The following CC2D2A variants were observed in gnomAD, a reference collection of about 807,000 sequenced individuals.
The protein encoded by CC2D2A is coiled-coil and C2 domain-containing protein 2A.
A neutral mutation model predicts 212.9 loss-of-function variants in CC2D2A; 155 were observed. The observed-to-expected ratio is 0.73, with a 90% CI of 0.64 to 0.83. CC2D2A has a LOEUF of 0.83. Among genes scored for constraint, CC2D2A ranks in the 40% least tolerant of loss-of-function variants. The pLI is 0.00. For synonymous variants in CC2D2A, 667 were observed against 686.5 expected, an observed-to-expected ratio of 0.97 and a Z score of 0.44; for missense variants, 1,856 against 1,956.2, an observed-to-expected ratio of 0.95 and a Z score of 0.97.
rs532616700 is a variant in CC2D2A at position 15,601,493 on chromosome 4, A to G, written c.*68A>G. 2 of 922,292 alleles carry G rather than the reference A, an allele frequency of 2.2e-6. No homozygotes were observed. Among genetic ancestry groups the G allele is most frequent in the South Asian group, 2.3e-5 (1 of 44,312 alleles). The allele number at this position is 922,292 out of a possible 1,614,324, so 57.1% of individuals were successfully genotyped here. A position where few individuals can be genotyped will look rare whatever the true frequency, so the allele number is the denominator to read the frequency against. ...AGGATATGAGAAAATTTTAAATTAT[A>G]TGCATCACATCAGAAGAACATATTA... On this transcript the variant is annotated 3_prime_UTR_variant, in exon 37 of 37. Coordinates refer to ENST00000424120, the MANE Select transcript of CC2D2A (RefSeq NM_001378615.1).
chr4:15,560,670 T>C (rs923598441), intron 23 of CC2D2A, 48 bp downstream of exon 23: 4 of 797,516 alleles, frequency 5.0e-6, no homozygotes, highest in African/African-American at 1.8e-5. Flanking sequence ...AAAATTATTA[T>C]TTATACTCTA....
rs1331466309 is a variant in CC2D2A at position 15,601,354 on chromosome 4, T to C, written c.4792T>C (p.Tyr1598His). The C allele has an allele frequency of 1.9e-6, 3 of 1,606,416 alleles. No individual in the cohort carries two copies. Among genetic ancestry groups the C allele is most frequent in the Admixed American group, 1.7e-5 (1 of 59,272 alleles). ...TAATGTTGAATTTGCTTTAGCTGTA[T>C]ACATACACCCATACCCCAAAAATGT... ...VPNVEFALAV[Y>H]IHPYPKNVLS... is the part of the protein sequence containing the mutation. Residue 1598 changes from tyrosine to histidine, a missense_variant, in exon 37 of 37, where the codon TAC (tyrosine) becomes CAC (histidine). Transcript: ENST00000424120.
At position 15,555,214 on chromosome 4, in the gene CC2D2A, T is replaced by C; in HGVS notation, c.2625+4T>C. The C allele has an allele frequency of 6.2e-7, 1 of 1,612,118 alleles. No individual in the cohort carries two copies. The highest frequency in any genetic ancestry group is 1.1e-5 in the South Asian group (1 of 90,860). On this transcript the variant is annotated splice_donor_region_variant and intron_variant, in intron 20 of 36. Transcript: ENST00000424120. ...CCCTTTGATGCAGCTTATCTCGGTA[T>C]GTAGCAGGAGGCACACATGCCATTT...
At chr4:15,529,249 G>C (rs909913603) in intron 13 of CC2D2A, among the ~76,000 whole-genome samples, 1 of 152,072 alleles carries the variant, frequency 6.6e-6, no homozygotes, top group African/African-American at 2.4e-5. Flanking sequence ...GAGTATAGTA[G>C]TATGTGCATG....
At chr4:15,560,382 G>A (rs1047055500) in intron 22 of CC2D2A, 149 bp from the exon 23 acceptor site, 1 of 532,180 alleles carries the variant, frequency 1.9e-6, no homozygotes, top group Non-Finnish European at 3.4e-6. Flanking sequence ...TTTACAGCAA[G>A]AGGAGACCAG....
At chr4:15,507,207 G>A (rs1716313997) in intron 6 of CC2D2A, among the ~76,000 whole-genome samples, 1 of 152,076 alleles carries the variant, frequency 6.6e-6, no homozygotes, top group Non-Finnish European at 1.5e-5. Context: ...GGAATGTATT[G>A]ATTAGCACAG....
rs571988863 is a variant in CC2D2A, at chr4:15,509,064, A to G, written c.439-1075A>G. On this transcript the variant is annotated intron_variant, in intron 6 of 36. Coordinates refer to ENST00000424120, the MANE Select transcript of CC2D2A (RefSeq NM_001378615.1). ...TTCAGAGGCAAAAGGGAATACCCATATGATAACTATCACATAGAGCAAGTA... is the reference window on the plus strand; with the variant it reads ...TTCAGAGGCAAAAGGGAATACCCATGTGATAACTATCACATAGAGCAAGTA... 2.1e-3 allele frequency among the ~76,000 whole-genome samples: 314 copies of G among 152,290 alleles called. 2 individuals are homozygous for G. The highest frequency in any genetic ancestry group is 7.1e-3 in the African/African-American group (297 of 41,554).
rs572487332 is a variant in CC2D2A, at chr4:15,561,140, C to T, written c.3014+518C>T. ...AGAACAGCAGGAAAGATTTGATATTCACACAGATATTGGGAATTGACTGTA... is the reference window on the plus strand; with the variant it reads ...AGAACAGCAGGAAAGATTTGATATTTACACAGATATTGGGAATTGACTGTA... On this transcript the variant is annotated intron_variant, in intron 23 of 36. Transcript: ENST00000424120. Among the ~76,000 whole-genome samples the T allele has an allele frequency of 2.0e-5, 3 of 152,268 alleles. No individual in the cohort carries two copies. In the South Asian group the frequency reaches 6.2e-4, roughly 32 times the overall value.
rs11947179 is a variant in CC2D2A, at chr4:15,480,621, C to T, written c.124-83C>T. ...TGAATAGTACTAAGGCCTGTCCCCT[C>T]ACTGGTGACCCATCTTCCCAAGAGA... On this transcript the variant is annotated intron_variant, in intron 3 of 36. Transcript: ENST00000424120. The T allele has an allele frequency of 2.7e-5, 40 of 1,473,212 alleles. 1 individual carries two copies. In the African/African-American group the frequency reaches 5.3e-4, roughly 20 times the overall value. The allele number at this position is 1,473,212 out of a possible 1,614,324, so 91.3% of individuals were successfully genotyped here.
In CC2D2A at chr4:15,522,889, TGGGCA is replaced by T. The variant is rs1386862405; in HGVS notation, c.1150-4556_1150-4552del. Among the ~76,000 whole-genome samples, 5 of 150,538 alleles carry T rather than the reference TGGGCA, an allele frequency of 3.3e-5. No individual in the cohort carries two copies. The East Asian group carries it at 9.8e-4, about 30-fold the overall frequency. ...ATCCCAGCACTTTGGGAGGCCGAGG[TGGGCA>T]GATCACCTGAGATCAGGAGTTCAAG... On this transcript the variant is annotated intron_variant, in intron 11 of 36. Transcript: ENST00000424120.
At chr4:15,494,963 A>G (rs539023035) in intron 4 of CC2D2A, among the ~76,000 whole-genome samples, 15 of 152,322 alleles carry the variant, frequency 9.8e-5, no homozygotes, top group African/African-American at 3.4e-4. Flanking sequence ...CAGGTTTGTT[A>G]CATGGGTAAA....
At chr4:15,576,599 G>A (rs1346812018) in intron 29 of CC2D2A, 2 of 153,104 alleles carry the variant, frequency 1.3e-5, no homozygotes, top group African/African-American at 4.8e-5. Context: ...TCTTGCCTCT[G>A]ATAGATGAGT....
Position 15,527,462 on chromosome 4 carries a change from C to G in CC2D2A, c.1165C>G (p.His389Asp). Residue 389 changes from histidine to aspartate, a missense_variant, in exon 12 of 37, where the codon CAC (histidine) becomes GAC (aspartate). By Grantham distance (81) the His-to-Asp change is moderately conservative. Around this residue, in one of 5 missense-constraint regions of CC2D2A, gnomAD observed 1,512 missense variants for 1,579.3 expected, o/e 0.96. Transcript: ENST00000424120. ...TCCTTGGCAGGCTGTAAAATACGTT[C>G]ACAGTAGTCAGCATGTGATCAGATC... ...TLYKKAVKYV[H>D]SSQHVIRSGD... The G allele has an allele frequency of 1.2e-6, 2 of 1,612,896 alleles. No individual in the cohort carries two copies. The highest frequency in any genetic ancestry group is 1.7e-6 in the Non-Finnish European group (2 of 1,179,322).
At chr4:15,586,684 T>C (rs1720868750) in intron 31 of CC2D2A, among the ~76,000 whole-genome samples, 1 of 152,178 alleles carries the variant, frequency 6.6e-6, no homozygotes, top group African/African-American at 2.4e-5. Context: ...AAATTCTGGC[T>C]ATAAATGAAA....
At chr4:15,595,006 G>C (rs1721258311) in intron 33 of CC2D2A, among the ~76,000 whole-genome samples, 1 of 151,864 alleles carries the variant, frequency 6.6e-6, no homozygotes, top group Non-Finnish European at 1.5e-5. Context: ...AGAGATGGGG[G>C]GTCTCACTAT....
Position 15,480,681 on chromosome 4 carries a change from A to G in CC2D2A, c.124-23A>G, listed in dbSNP as rs763418753. 3 of 1,603,052 alleles carry G rather than the reference A, an allele frequency of 1.9e-6. No homozygotes were observed. The South Asian group carries it at 3.4e-5, about 18-fold the overall frequency. On this transcript the variant is annotated intron_variant, in intron 3 of 36. Coordinates refer to ENST00000424120, the MANE Select transcript of CC2D2A (RefSeq NM_001378615.1). ...TCAAATAAAGTCCTGGGAGTCTCTG[A>G]ACCTCTGACCTTCTTCCTCCAGCCA...
intron 24 of CC2D2A, among the ~76,000 whole-genome samples, chr4:15,564,741 T>C (rs1215962964): frequency 6.6e-6 from 1 of 152,074 alleles, no homozygotes; most frequent in Non-Finnish European, 1.5e-5. Flanking sequence ...ACAGTGGTGC[T>C]ATCACAGCTC....
chr4:15,506,749 C>T lies in CC2D2A; in HGVS notation c.439-3390C>T, dbSNP rs528988712. ...CTTAAAAAGCCTTACTGACCAAGCACAGGAATCTGATCTTTATTCTACTGC... is the reference window on the plus strand; with the variant it reads ...CTTAAAAAGCCTTACTGACCAAGCATAGGAATCTGATCTTTATTCTACTGC... On this transcript the variant is annotated intron_variant, in intron 6 of 36. Coordinates refer to ENST00000424120, the MANE Select transcript of CC2D2A (RefSeq NM_001378615.1). Among the ~76,000 whole-genome samples the T allele has an allele frequency of 2.8e-4, 42 of 152,236 alleles. No homozygotes were observed. In the South Asian group the frequency reaches 5.4e-3, roughly 20 times the overall value.
chr4:15,492,600 T>C, intron 4 of CC2D2A: 2 of 407,354 alleles, frequency 4.9e-6, no homozygotes, highest in Admixed American at 3.1e-5. Flanking sequence ...GGGGTCTGCA[T>C]GGAAATTGTG....
Sources: allele counts gnomAD v4.1 joint callset (sites outside exome capture counted in the v4.1 genomes callset), GRCh38; gene constraint gnomAD v4.1.1; regional missense constraint gnomAD v4.1.1; transcripts MANE v1.5; gene names NCBI Gene and HGNC (gene_info 2026-07-23, HGNC 2026-07-21).